Variants in HRH4 observed in about 807,000 individuals in gnomAD.
The protein encoded by HRH4 is histamine receptor H4, also known as histamine H4 receptor.
In HRH4, 12 loss-of-function variants were observed where a neutral mutation model predicts 10.4. That is an observed-to-expected ratio of 1.15 (90% confidence interval 0.74 to 1.87). HRH4 has a LOEUF of 1.87. HRH4 is among the 40% of genes most tolerant of loss of function. The probability of loss-of-function intolerance (pLI) is 0.00; values close to 1 mark genes in which losing one functional copy is unlikely to be tolerated. For missense variants in HRH4, 415 were observed against 453.3 expected (o/e 0.92, Z 0.77); for synonymous variants, 154 against 166.6 (o/e 0.92, Z 0.58).
intron 1 of HRH4, among the ~76,000 whole-genome samples, chr18:24,463,216 C>T (rs1323805369): frequency 2.0e-5 from 3 of 152,224 alleles, no homozygotes; most frequent in Non-Finnish European, 4.4e-5. Context: ...ATTCAGCAGT[C>T]CTGGTGATCT....
chr18:24,466,630 C>T (rs1281635530), intron 1 of HRH4, among the ~76,000 whole-genome samples: 1 of 152,228 alleles, frequency 6.6e-6, no homozygotes, highest in Non-Finnish European at 1.5e-5. Flanking sequence ...CTACCTTCCA[C>T]TGGTTCTGAA....
intron 2 of HRH4, among the ~76,000 whole-genome samples, chr18:24,474,354 A>G (rs932415193): frequency 1.2e-4 from 16 of 129,738 alleles, no homozygotes; most frequent in Admixed American, 3.3e-4. Flanking sequence ...TTGAGAGAGA[A>G]AAAAAAAACA....
chr18:24,477,044 G>A lies in HRH4; in HGVS notation c.655G>A (p.Val219Ile), dbSNP rs892114598. 1 of 1,614,226 alleles carries A rather than the reference G, an allele frequency of 6.2e-7. No individual in the cohort carries two copies. Among genetic ancestry groups the A allele is most frequent in the Non-Finnish European group, 8.5e-7 (1 of 1,180,034 alleles). ...RCQSHPGLTA[V>I]SSNICGHSFR... ...CCAAAGCCATCCTGGACTGACTGCT[G>A]TCTCTTCCAACATCTGTGGACACTC... is the stretch of plus-strand genomic sequence containing the variant. Residue 219 changes from valine to isoleucine, a missense_variant, in exon 3 of 3, where the codon GTC becomes ATC. Physicochemically the swap from Val to Ile is conservative, Grantham distance 29. Coordinates refer to ENST00000256906, the MANE Select transcript of HRH4 (RefSeq NM_021624.4).
chr18:24,473,270 G>A (rs1178687446), intron 2 of HRH4, among the ~76,000 whole-genome samples: 1 of 152,212 alleles, frequency 6.6e-6, no homozygotes, highest in Admixed American at 6.5e-5. Context: ...GAAATCTCAT[G>A]GCTGGGAGGA....
At chr18:24,462,203 C>T (rs1909662498) in intron 1 of HRH4, among the ~76,000 whole-genome samples, 1 of 152,116 alleles carries the variant, frequency 6.6e-6, no homozygotes, top group African/African-American at 2.4e-5. Flanking sequence ...GAGCTTGGAG[C>T]TGGCTGGTGT....
chr18:24,462,885 T>C (rs898602227), intron 1 of HRH4, among the ~76,000 whole-genome samples: 6 of 152,254 alleles, frequency 3.9e-5, no homozygotes, highest in Non-Finnish European at 5.9e-5. Context: ...AGTTTATTTA[T>C]GTGAACATAG....
intron 2 of HRH4, among the ~76,000 whole-genome samples, chr18:24,472,272 C>G (rs1323785319): frequency 1.3e-5 from 2 of 152,178 alleles, no homozygotes; most frequent in African/African-American, 4.8e-5. Flanking sequence ...TTTTGAACTC[C>G]TGACCTCAAG....
At chr18:24,461,678 T>C (rs1909643621) in intron 1 of HRH4, among the ~76,000 whole-genome samples, 1 of 152,198 alleles carries the variant, frequency 6.6e-6, no homozygotes, top group African/African-American at 2.4e-5. Context: ...TACATAAAGC[T>C]TACATTTATG....
intron 1 of HRH4, among the ~76,000 whole-genome samples, chr18:24,463,094 A>G (rs1407084336): frequency 6.6e-6 from 1 of 152,190 alleles, no homozygotes; most frequent in African/African-American, 2.4e-5. Context: ...CTTTTGAATC[A>G]AGATGGTTCT....
intron 1 of HRH4, among the ~76,000 whole-genome samples, chr18:24,467,022 A>C (rs1409309063): frequency 3.3e-5 from 5 of 152,200 alleles, no homozygotes; most frequent in Admixed American, 3.3e-4. Flanking sequence ...GTAAAGTCAG[A>C]GGTTCTGAAA....
At chr18:24,468,679 C>A in intron 1 of HRH4, 109 bp from the exon 2 acceptor site, 2 of 1,010,986 alleles carry the variant, frequency 2.0e-6, no homozygotes, top group Non-Finnish European at 2.9e-6. Context: ...AGAGACAAAT[C>A]ATTTGTAGTG....
Position 24,460,991 on chromosome 18 carries a change from C to T in HRH4, c.193+70C>T, listed in dbSNP as rs538330805. On this transcript the variant is annotated intron_variant, in intron 1 of 2. Coordinates refer to ENST00000256906, the MANE Select transcript of HRH4 (RefSeq NM_021624.4). ...TTTATTTCTAAATCCTTAAAATAAG[C>T]TTTTGTTATTTCAGGGGACTGTATA... 5 of 1,180,306 alleles carry T rather than the reference C, an allele frequency of 4.2e-6. No individual in the cohort carries two copies. In the Admixed American group the frequency reaches 9.5e-5, roughly 23 times the overall value. 73.1% of individuals were successfully genotyped at this position (1,180,306 alleles called of 1,614,324 possible).
At chr18:24,469,916 C>A (rs1444942980) in intron 2 of HRH4, among the ~76,000 whole-genome samples, 2 of 152,104 alleles carry the variant, frequency 1.3e-5, no homozygotes, top group African/African-American at 4.8e-5. Context: ...CCTCCTCCCA[C>A]CCACCACCCT....
In HRH4 at chr18:24,468,697, A is replaced by T. The variant is rs966535386; in HGVS notation, c.194-91A>T. ...GACAAATCATTTGTAGTGAATTCAG[A>T]TAGGTCATTGTGTTGTGTAGCCATT... On this transcript the variant is annotated intron_variant, in intron 1 of 2. Coordinates refer to ENST00000256906, the MANE Select transcript of HRH4 (RefSeq NM_021624.4). 46 of 1,122,714 alleles carry T rather than the reference A, an allele frequency of 4.1e-5. No individual in the cohort carries two copies. In the Middle Eastern group the frequency reaches 8.7e-4, roughly 21 times the overall value. 69.5% of individuals were successfully genotyped at this position (1,122,714 alleles called of 1,614,324 possible).
chr18:24,476,727 A>G lies in HRH4; in HGVS notation c.358-20A>G. The G allele has an allele frequency of 6.5e-7, 1 of 1,548,876 alleles. No homozygotes were observed. Among genetic ancestry groups the G allele is most frequent in the Non-Finnish European group, 8.9e-7 (1 of 1,126,560 alleles). On this transcript the variant is annotated intron_variant, in intron 2 of 2. Transcript: ENST00000256906. ...CAACATACACATTCATTATATTGAA[A>G]ATAATTTGGTTTCTTCTAGGTGTCT... is the stretch of plus-strand genomic sequence containing the variant.
intron 2 of HRH4, among the ~76,000 whole-genome samples, chr18:24,469,784 G>C (rs528818745): frequency 1.3e-5 from 2 of 152,084 alleles, no homozygotes; most frequent in African/African-American, 2.4e-5. Flanking sequence ...TTGGCCTCAG[G>C]GGGTATGTGT....
intron 2 of HRH4, 85 bp from the exon 3 acceptor site, chr18:24,476,662 C>T (rs1325531079): frequency 2.9e-6 from 3 of 1,031,412 alleles, no homozygotes; most frequent in Non-Finnish European, 4.4e-6. Context: ...CTTTGCACAT[C>T]CCTGAAATTT....
chr18:24,476,658 A>C, intron 2 of HRH4, 89 bp from the exon 3 acceptor site: 1 of 1,002,890 alleles, frequency 1.0e-6, no homozygotes, highest in South Asian at 1.5e-5. Flanking sequence ...CATCCTTTGC[A>C]CATCCCTGAA....
chr18:24,474,630 C>A (rs943472161), intron 2 of HRH4, among the ~76,000 whole-genome samples: 7 of 150,206 alleles, frequency 4.7e-5, no homozygotes, highest in Non-Finnish European at 1.0e-4. Context: ...TTTTTTTTTG[C>A]CTGTGAGAGA....
Sources: gnomAD v4.1 joint callset for allele counts (sites outside exome capture counted in the v4.1 genomes callset) on GRCh38, gnomAD v4.1.1 for gene constraint, MANE v1.5 for transcripts, NCBI Gene and HGNC (gene_info 2026-07-23, HGNC 2026-07-21) for gene names.